MYO9A: variants seen among roughly 807,000 people sequenced by gnomAD.
MYO9A encodes unconventional myosin-IXa.
Under a neutral mutation model 293.3 loss-of-function variants are expected in MYO9A, and 103 were observed. The observed-to-expected ratio is 0.35, with a 90% CI of 0.30 to 0.41. The LOEUF (loss-of-function observed/expected upper bound fraction) is 0.41. Among genes scored for constraint, MYO9A ranks in the 10% least tolerant of loss-of-function variants. MYO9A has a pLI of 1.00. For missense variants in MYO9A, 2,685 were observed against 3,033.0 expected (o/e 0.89, Z 2.69); for synonymous variants, 1,001 against 1,035.7 (o/e 0.97, Z 0.64).
At chr15:72,082,733 C>T (rs1054944395) in intron 1 of MYO9A, among the ~76,000 whole-genome samples, 2 of 151,862 alleles carry the variant, frequency 1.3e-5, no homozygotes, top group African/African-American at 4.8e-5. Flanking sequence ...GAGTTTTTAA[C>T]ACGAAAGGCT....
intron 14 of MYO9A, among the ~76,000 whole-genome samples, chr15:71,956,855 ACAC>A (rs1410677413): frequency 1.5e-3 from 127 of 86,606 alleles, no homozygotes; most frequent in African/African-American, 4.9e-3. Flanking sequence ...ACACACACAC[ACAC>A]AAATATATAT....
chr15:71,997,558 C>T (rs1460433178), intron 9 of MYO9A, among the ~76,000 whole-genome samples: 1 of 151,972 alleles, frequency 6.6e-6, no homozygotes, highest in Non-Finnish European at 1.5e-5. Flanking sequence ...GAGATCACAC[C>T]ACTGCACTCC....
chr15:71,942,440 T>C (rs2058802449), intron 15 of MYO9A, among the ~76,000 whole-genome samples: 1 of 152,060 alleles, frequency 6.6e-6, no homozygotes, highest in Non-Finnish European at 1.5e-5. Flanking sequence ...ATCCATAATG[T>C]TTTTTAAACT....
chr15:72,030,671 G>A (rs1287608675), intron 3 of MYO9A, among the ~76,000 whole-genome samples: 3 of 151,876 alleles, frequency 2.0e-5, no homozygotes, highest in Non-Finnish European at 4.4e-5. Flanking sequence ...CCACAGGCAC[G>A]TGCCACCACA....
intron 1 of MYO9A, among the ~76,000 whole-genome samples, chr15:72,100,269 C>T (rs1490043431): frequency 2.0e-5 from 3 of 152,166 alleles, no homozygotes; most frequent in African/African-American, 7.2e-5. Flanking sequence ...GGAATCCCAG[C>T]ACTTTGAGAG....
At chr15:71,948,003 G>A (rs2058960535) in intron 15 of MYO9A, among the ~76,000 whole-genome samples, 1 of 152,132 alleles carries the variant, frequency 6.6e-6, no homozygotes, top group South Asian at 2.1e-4. Flanking sequence ...TTTCAGAGAA[G>A]AGCCACTTTG....
At position 71,883,731 on chromosome 15, in the gene MYO9A, T is replaced by C; in HGVS notation, c.5261A>G (p.Gln1754Arg). 2 of 1,609,390 alleles carry C rather than the reference T, an allele frequency of 1.2e-6. No homozygotes were observed. The highest frequency in any genetic ancestry group is 1.7e-6 in the Non-Finnish European group (2 of 1,178,466). ...GGCCCAGAATCTCATCTTAGCTCTCTGAGGTCTGTTTAAAGAAATAAAGGT... is the reference window on the plus strand; with the variant it reads ...GGCCCAGAATCTCATCTTAGCTCTCCGAGGTCTGTTTAAAGAAATAAAGGT... Reference protein sequence around the residue: ...QKASDSDIRPQRAKMRFWAKG... With the variant: ...QKASDSDIRPRRAKMRFWAKG... The change falls in exon 28 of 42, where the codon CAG becomes CGG. Residue 1754 changes from glutamine to arginine, a missense_variant. Around this residue, in one of 10 missense-constraint regions of MYO9A, gnomAD observed 1,434 missense variants for 1,497.7 expected, o/e 0.96. Coordinates refer to ENST00000356056, the MANE Select transcript of MYO9A (RefSeq NM_006901.4).
chr15:72,049,286 T>A (rs1226957651), intron 1 of MYO9A, among the ~76,000 whole-genome samples: 2 of 152,206 alleles, frequency 1.3e-5, no homozygotes, highest in African/African-American at 2.4e-5. Context: ...TCCTCAGTTA[T>A]CTCATAAATA....
intron 13 of MYO9A, among the ~76,000 whole-genome samples, chr15:71,965,665 G>A (rs1364764783): frequency 6.6e-6 from 1 of 152,094 alleles, no homozygotes; most frequent in Non-Finnish European, 1.5e-5. Context: ...CTTAAACCTG[G>A]AGGGCGGAGG....
intron 32 of MYO9A, among the ~76,000 whole-genome samples, chr15:71,868,927 T>C (rs1295394953): frequency 6.6e-6 from 1 of 152,184 alleles, no homozygotes; most frequent in Non-Finnish European, 1.5e-5. Flanking sequence ...TTTTATTCAA[T>C]AGTTCTACTC....
chr15:71,826,424 C>T lies in MYO9A; in HGVS notation c.*156G>A. ...GCAGGCTTTCTGCTTCTGCAGGAGG[C>T]CCAGGAATTCAGCACATACAGTCTT... On this transcript the variant is annotated 3_prime_UTR_variant, in exon 42 of 42. Transcript: ENST00000356056. 2 of 683,502 alleles carry T rather than the reference C, an allele frequency of 2.9e-6. No individual in the cohort carries two copies. Among genetic ancestry groups the T allele is most frequent in the Non-Finnish European group, 4.6e-6 (2 of 433,686 alleles). 42.3% of individuals were successfully genotyped at this position (683,502 alleles called of 1,614,324 possible).
At chr15:71,944,170 C>G (rs372525743) in intron 15 of MYO9A, among the ~76,000 whole-genome samples, 17 of 152,034 alleles carry the variant, frequency 1.1e-4, no homozygotes, top group African/African-American at 2.9e-4. Flanking sequence ...ATGTTCAAAT[C>G]TTTTGCCCAT....
At position 71,935,472 on chromosome 15, in the gene MYO9A, A is replaced by G. The variant is rs1410822448; in HGVS notation, c.2391T>C (p.Asp797=). 6.2e-7 allele frequency: 1 copy of G among 1,613,284 alleles called. No homozygotes were observed. The highest frequency in any genetic ancestry group is 2.2e-5 in the East Asian group (1 of 44,860). Residue 797 remains aspartate (D), a synonymous_variant, in exon 17 of 42, where the codon GAT becomes GAC. Coordinates refer to ENST00000356056, the MANE Select transcript of MYO9A (RefSeq NM_006901.4). ...LNEKNQHDTF[D]IAWNGRTGIR... ...TCCCAGTTCTGCCATTCCAGGCAAT[A>G]TCAAATGTATCACTGTAAAAAATAT...
At chr15:71,959,652 G>T in intron 14 of MYO9A, 1 of 348,264 alleles carries the variant, frequency 2.9e-6, no homozygotes, top group Non-Finnish European at 5.2e-6. Flanking sequence ...AAAAGAAAAT[G>T]AACACTTCAT....
chr15:72,097,535 C>T (rs2080103781), intron 1 of MYO9A, among the ~76,000 whole-genome samples: 1 of 152,006 alleles, frequency 6.6e-6, no homozygotes, highest in Admixed American at 6.5e-5. Flanking sequence ...CTGCAATATT[C>T]ACTTTATTAC....
At chr15:72,038,291 C>T (rs769269632) in intron 2 of MYO9A, among the ~76,000 whole-genome samples, 6 of 152,054 alleles carry the variant, frequency 3.9e-5, no homozygotes, top group Non-Finnish European at 7.4e-5. Flanking sequence ...CCATAAGTCT[C>T]AATAAATTTA....
chr15:72,082,238 T>C (rs1035907464), intron 1 of MYO9A, among the ~76,000 whole-genome samples: 5 of 152,206 alleles, frequency 3.3e-5, no homozygotes, highest in African/African-American at 1.2e-4. Flanking sequence ...TAGATATCTT[T>C]CCCCTCCCTG....
chr15:71,849,227 ATCACCTGAGG>A (rs945592056), intron 38 of MYO9A, among the ~76,000 whole-genome samples: 4 of 152,170 alleles, frequency 2.6e-5, no homozygotes, highest in African/African-American at 9.7e-5. Flanking sequence ...AGGCGGGTGG[ATCACCTGAGG>A]TCAGGAGTTC....
At chr15:71,945,598 T>C (rs374262090) in intron 15 of MYO9A, among the ~76,000 whole-genome samples, 6 of 152,296 alleles carry the variant, frequency 3.9e-5, no homozygotes, top group East Asian at 3.9e-4. Flanking sequence ...TTACTTGGTA[T>C]CCCGTAAAAA....
Sources: allele counts gnomAD v4.1 joint callset (sites outside exome capture counted in the v4.1 genomes callset), GRCh38; gene constraint gnomAD v4.1.1; regional missense constraint gnomAD v4.1.1; transcripts MANE v1.5; gene names NCBI Gene and HGNC (gene_info 2026-07-23, HGNC 2026-07-21).